RNF13: variants seen among roughly 807,000 people sequenced by gnomAD.
RNF13 encodes ring finger protein 13.
RNF13 carries 19 observed loss-of-function variants against 37.7 expected under a neutral mutation model. That is an observed-to-expected ratio of 0.50 (90% CI 0.35 to 0.74). The LOEUF (loss-of-function observed/expected upper bound fraction) is 0.74. Ranked by LOEUF, RNF13 falls within the 30% of genes least tolerant of loss-of-function variation. The pLI is 0.01. For missense variants in RNF13, 375 were observed against 453.0 expected, an observed-to-expected ratio of 0.83 and a Z score of 1.56; for synonymous variants, 144 against 157.8, an observed-to-expected ratio of 0.91 and a Z score of 0.65.
chr3:149,845,848 C>T (rs910381609), intron 1 of RNF13, 163 bp from the exon 2 acceptor site: 1 of 521,028 alleles, frequency 1.9e-6, no homozygotes, highest in Admixed American at 3.5e-5. Context: ...ATGTCCAAAT[C>T]TGTGTAAGTT....
intron 4 of RNF13, among the ~76,000 whole-genome samples, chr3:149,878,618 T>C (rs1022735045): frequency 6.6e-6 from 1 of 152,200 alleles, no homozygotes; most frequent in African/African-American, 2.4e-5. Context: ...AATCCTCAGA[T>C]CTATTGCTCC....
At chr3:149,939,306 T>C in intron 8 of RNF13, 1 of 465,304 alleles carries the variant, frequency 2.1e-6, no homozygotes, top group Non-Finnish European at 4.1e-6. Context: ...GTCATTTTCA[T>C]CATCATCTTC....
intron 1 of RNF13, among the ~76,000 whole-genome samples, chr3:149,837,578 G>T (rs547073901): frequency 6.6e-6 from 1 of 152,270 alleles, no homozygotes; most frequent in East Asian, 1.9e-4. Context: ...GCAGACAAGA[G>T]AAGAGAGCTT....
chr3:149,922,620 G>C (rs1718260526), intron 8 of RNF13, among the ~76,000 whole-genome samples: 1 of 152,100 alleles, frequency 6.6e-6, no homozygotes, highest in African/African-American at 2.4e-5. Context: ...ACTGTATAGT[G>C]TTGTATTAAC....
At chr3:149,900,504 T>TAGC (rs1715712682) in intron 5 of RNF13, among the ~76,000 whole-genome samples, 1 of 151,838 alleles carries the variant, frequency 6.6e-6, no homozygotes, top group Non-Finnish European at 1.5e-5. Context: ...AGCCCAGGAG[T>TAGC]TACAGGCTGT....
chr3:149,823,257 C>T (rs1018262922), intron 1 of RNF13, among the ~76,000 whole-genome samples: 1 of 152,046 alleles, frequency 6.6e-6, no homozygotes, highest in Non-Finnish European at 1.5e-5. Flanking sequence ...TATGGAAAGA[C>T]AGTGGAACCT....
chr3:149,947,659 CA>C (rs1466158688), intron 8 of RNF13, among the ~76,000 whole-genome samples: 1 of 152,140 alleles, frequency 6.6e-6, no homozygotes, highest in Non-Finnish European at 1.5e-5. Flanking sequence ...CTGGGCCTCC[CA>C]AAGTGCTGGA....
chr3:149,883,804 C>T (rs1332919929), intron 4 of RNF13, among the ~76,000 whole-genome samples: 1 of 151,976 alleles, frequency 6.6e-6, no homozygotes, highest in Non-Finnish European at 1.5e-5. Context: ...CAACCCATCA[C>T]CCAAGAATTA....
chr3:149,881,365 C>T (rs549985554), intron 4 of RNF13, among the ~76,000 whole-genome samples: 3 of 152,002 alleles, frequency 2.0e-5, no homozygotes, highest in Admixed American at 2.0e-4. Flanking sequence ...GAGTCTTGCT[C>T]TGTTGCCCAG....
intron 4 of RNF13, among the ~76,000 whole-genome samples, chr3:149,880,778 A>T (rs1713297085): frequency 6.6e-6 from 1 of 152,102 alleles, no homozygotes; most frequent in Admixed American, 6.5e-5. Flanking sequence ...TTTTGATGGG[A>T]TGTTGCAGAA....
rs1723549866 is a variant in RNF13 at position 149,855,436 on chromosome 3, G to A, written c.195+2840G>A. 2.6e-5 allele frequency among the ~76,000 whole-genome samples: 4 copies of A among 151,126 alleles called. No individual in the cohort carries two copies. In the South Asian group the frequency reaches 8.4e-4, roughly 32 times the overall value. On this transcript the variant is annotated intron_variant, in intron 3 of 9. Transcript: ENST00000392894. Reference sequence around the variant, plus strand: ...GTATGTTCCTGTTAAGCACTGCATGGTATTCTGTAATATGAATGATCATAG... The same window carrying A: ...GTATGTTCCTGTTAAGCACTGCATGATATTCTGTAATATGAATGATCATAG...
At chr3:149,953,623 C>A (rs79340674) in intron 8 of RNF13, among the ~76,000 whole-genome samples, 1,625 of 152,226 alleles carry the variant, frequency 0.011, 31 homozygotes, top group African/African-American at 0.037. Context: ...ACCAAAAATT[C>A]TACATACATA....
At chr3:149,955,935 T>G (rs1410450599) in intron 8 of RNF13, among the ~76,000 whole-genome samples, 2 of 152,168 alleles carry the variant, frequency 1.3e-5, no homozygotes, top group African/African-American at 4.8e-5. Flanking sequence ...TCTTTCTAAA[T>G]TTAATTTTAT....
intron 1 of RNF13, among the ~76,000 whole-genome samples, chr3:149,831,011 A>G (rs1206082217): frequency 6.6e-6 from 1 of 152,260 alleles, no homozygotes. Context: ...TGCAAGGTGC[A>G]CAGAAGTCCA....
At chr3:149,935,551 T>C (rs1576562516) in intron 8 of RNF13, among the ~76,000 whole-genome samples, 2 of 152,346 alleles carry the variant, frequency 1.3e-5, no homozygotes, top group East Asian at 3.9e-4. Flanking sequence ...TTACCTATTA[T>C]AGGTGTTTTG....
At chr3:149,865,338 A>ATT in intron 3 of RNF13, among the ~76,000 whole-genome samples, 2 of 147,818 alleles carry the variant, frequency 1.4e-5, no homozygotes, top group Non-Finnish European at 3.0e-5. Context: ...TGATATATAT[A>ATT]TATATATATA....
intron 4 of RNF13, among the ~76,000 whole-genome samples, chr3:149,881,162 A>G (rs1429074212): frequency 6.6e-6 from 1 of 152,228 alleles, no homozygotes; most frequent in African/African-American, 2.4e-5. Context: ...GTAGCAGTGA[A>G]AACTGGCAGG....
At chr3:149,944,424 A>G (rs910550273) in intron 8 of RNF13, among the ~76,000 whole-genome samples, 1 of 152,216 alleles carries the variant, frequency 6.6e-6, no homozygotes, top group African/African-American at 2.4e-5. Context: ...ACTAGTTTAC[A>G]GTCCCACCAA....
intron 6 of RNF13, among the ~76,000 whole-genome samples, chr3:149,906,854 T>C (rs1016830501): frequency 6.6e-6 from 1 of 151,938 alleles, no homozygotes; most frequent in Non-Finnish European, 1.5e-5. Flanking sequence ...GGTTTTGCCA[T>C]GTTGCCAAGG....
Sources: allele counts gnomAD v4.1 joint callset (sites outside exome capture counted in the v4.1 genomes callset), GRCh38; gene constraint gnomAD v4.1.1; transcripts MANE v1.5; gene names NCBI Gene and HGNC (gene_info 2026-07-23, HGNC 2026-07-21).